KCNQ1: variants seen among roughly 807,000 people sequenced by gnomAD.
KCNQ1 encodes the protein potassium voltage-gated channel subfamily KQT member 1.
A neutral mutation model predicts 72.4 loss-of-function variants in KCNQ1; 49 were observed. That is an observed-to-expected ratio of 0.68 (90% CI 0.54 to 0.86). The LOEUF (loss-of-function observed/expected upper bound fraction) is 0.86. Among genes scored for constraint, KCNQ1 ranks in the 40% least tolerant of loss-of-function variants. The pLI is 0.00. For missense variants in KCNQ1, 790 were observed against 945.1 expected, an observed-to-expected ratio of 0.84 and a Z score of 2.15; for synonymous variants, 450 against 412.6, an observed-to-expected ratio of 1.09 and a Z score of -1.10.
Position 2,507,094 on chromosome 11 carries a change from C to T in KCNQ1, c.387-20834C>T, listed in dbSNP as rs3819506. On this transcript the variant is annotated intron_variant, in intron 1 of 15. Coordinates refer to ENST00000155840, the MANE Select transcript of KCNQ1 (RefSeq NM_000218.3). The surrounding 1 kb of genome is among the most constrained non-coding windows in gnomAD (Gnocchi z 5.4). ...TTATCATGCTTCTTTCTACTGACTC[C>T]GGATTCAGGGCCACAGTTGAGAGCT... is the stretch of plus-strand genomic sequence containing the variant. Among the ~76,000 whole-genome samples, 38,723 of 152,086 alleles carry T rather than the reference C, an allele frequency of 0.25. 5,131 individuals carry two copies. Among genetic ancestry groups the T allele is most frequent in the East Asian group, 0.41 (2,141 of 5,170 alleles).
chr11:2,571,256 G>C (rs563270588), intron 3 of KCNQ1, 69 bp from the exon 4 acceptor site: 2 of 1,272,644 alleles, frequency 1.6e-6, no homozygotes, highest in East Asian at 4.6e-5. Flanking sequence ...CGAGAGCAGG[G>C]TGTATGCTCT....
chr11:2,709,692 C>T (rs34053306), intron 11 of KCNQ1, among the ~76,000 whole-genome samples: 5,056 of 152,206 alleles, frequency 0.033, 113 homozygotes, highest in Middle Eastern at 0.058. Flanking sequence ...TCTATCTCCA[C>T]GGGTTTGCCT....
Position 2,536,820 on chromosome 11 carries a change from G to T in KCNQ1, c.477+8802G>T, listed in dbSNP as rs557722992. ...AGGTCGCCCTCTCACAGCTCTGGAC[G>T]ATGGAGGGCCGAGACCCAGGTGTGG... On this transcript the variant is annotated intron_variant, in intron 2 of 15. Transcript: ENST00000155840. This position sits in a 1 kb window ranked among gnomAD's most constrained non-coding sequence, Gnocchi z 7.4. 6.6e-6 allele frequency among the ~76,000 whole-genome samples: 1 copy of T among 152,204 alleles called. No homozygotes were observed. The highest frequency in any genetic ancestry group is 2.1e-4 in the South Asian group (1 of 4,828).
rs1847923146 is a variant in KCNQ1, at chr11:2,547,954, C to T, written c.477+19936C>T. Among the ~76,000 whole-genome samples, 1 of 152,152 alleles carries T rather than the reference C, an allele frequency of 6.6e-6. No homozygotes were observed. On this transcript the variant is annotated intron_variant, in intron 2 of 15. Coordinates refer to ENST00000155840, the MANE Select transcript of KCNQ1 (RefSeq NM_000218.3). The surrounding 1 kb of genome is among the most constrained non-coding windows in gnomAD (Gnocchi z 4.2). ...GGAGGGAGCTGTGAGGAGCCTGTAG[C>T]ATTCAGAGACAGGGGAGCAGGGAGC...
At position 2,462,342 on chromosome 11, in the gene KCNQ1, C is replaced by T. The variant is rs1036045046; in HGVS notation, c.386+16858C>T. Among the ~76,000 whole-genome samples, 1 of 152,058 alleles carries T rather than the reference C, an allele frequency of 6.6e-6. No individual in the cohort carries two copies. The highest frequency in any genetic ancestry group is 1.5e-5 in the Non-Finnish European group (1 of 67,916). ...TCTAGGGCCACCCCCTCTGACTTGC[C>T]TCCTCCTCCTTCTGACTTGCCTCCT... On this transcript the variant is annotated intron_variant, in intron 1 of 15. Coordinates refer to ENST00000155840, the MANE Select transcript of KCNQ1 (RefSeq NM_000218.3). This position sits in a 1 kb window ranked among gnomAD's most constrained non-coding sequence, Gnocchi z 8.2.
At chr11:2,496,561 T>G (rs1846925034) in intron 1 of KCNQ1, among the ~76,000 whole-genome samples, 2 of 140,016 alleles carry the variant, frequency 1.4e-5, no homozygotes, top group South Asian at 5.0e-4. Flanking sequence ...TCCCTTTATT[T>G]TGAGCATATG....
At chr11:2,763,054 G>T (rs1300038780) in intron 11 of KCNQ1, among the ~76,000 whole-genome samples, 1 of 152,006 alleles carries the variant, frequency 6.6e-6, no homozygotes, top group Non-Finnish European at 1.5e-5. Context: ...TCACCTTGTC[G>T]GTTTCCAATA....
At chr11:2,689,425 G>A (rs1850552188) in intron 11 of KCNQ1, 2 of 398,724 alleles carry the variant, frequency 5.0e-6, no homozygotes, top group South Asian at 2.5e-4. Context: ...CATAGGGGAG[G>A]AGGAAGACAC....
chr11:2,801,797 G>A lies in KCNQ1; in HGVS notation c.1794+23760G>A, dbSNP rs1337768702. Among the ~76,000 whole-genome samples the A allele has an allele frequency of 2.6e-5, 4 of 152,344 alleles. No homozygotes were observed. In the South Asian group the frequency reaches 8.3e-4, roughly 32 times the overall value. ...AGGGAGGGGAGAGCTTGTTGCGGGG[G>A]TGTCCTTGCCTCTCAGGGCCACGCC... On this transcript the variant is annotated intron_variant, in intron 15 of 15. Coordinates refer to ENST00000155840, the MANE Select transcript of KCNQ1 (RefSeq NM_000218.3).
At position 2,446,318 on chromosome 11, in the gene KCNQ1, C is replaced by T. The variant is rs1006454774; in HGVS notation, c.386+834C>T. Among the ~76,000 whole-genome samples, 10 of 152,200 alleles carry T rather than the reference C, an allele frequency of 6.6e-5. No individual in the cohort carries two copies. The highest frequency in any genetic ancestry group is 6.5e-4 in the Admixed American group (10 of 15,290). ...GCCTTCCCCCGCTGCCCCAGTGGCC[C>T]TACTTCCTGGCTGCCCAGCCAGCGG... On this transcript the variant is annotated intron_variant, in intron 1 of 15. Coordinates refer to ENST00000155840, the MANE Select transcript of KCNQ1 (RefSeq NM_000218.3). This position sits in a 1 kb window ranked among gnomAD's most constrained non-coding sequence, Gnocchi z 8.8.
intron 11 of KCNQ1, among the ~76,000 whole-genome samples, chr11:2,758,715 C>T (rs747338444): frequency 6.6e-6 from 1 of 152,216 alleles, no homozygotes; most frequent in Non-Finnish European, 1.5e-5. Context: ...GAAACACTAC[C>T]CAGCAGTAGA....
At position 2,542,003 on chromosome 11, in the gene KCNQ1, C is replaced by T. The variant is rs556686861; in HGVS notation, c.477+13985C>T. 4.6e-5 allele frequency among the ~76,000 whole-genome samples: 7 copies of T among 152,268 alleles called. No homozygotes were observed. The East Asian group carries it at 1.2e-3, about 25-fold the overall frequency. On this transcript the variant is annotated intron_variant, in intron 2 of 15. Coordinates refer to ENST00000155840, the MANE Select transcript of KCNQ1 (RefSeq NM_000218.3). ...GCTTGGGGTGGGCCTCAGAGGCTGT[C>T]GCCGTGCCTGCTGTGGCTCTCCATG...
chr11:2,800,388 C>T (rs559640991), intron 15 of KCNQ1, among the ~76,000 whole-genome samples: 2 of 152,322 alleles, frequency 1.3e-5, no homozygotes, highest in South Asian at 2.1e-4. Flanking sequence ...AGCCCAGACC[C>T]CTGGGCTGTC....
Position 2,671,523 on chromosome 11 carries a change from A to C in KCNQ1, c.1514+9442A>C. On this transcript the variant is annotated intron_variant, in intron 11 of 15. Coordinates refer to ENST00000155840, the MANE Select transcript of KCNQ1 (RefSeq NM_000218.3). This position sits in a 1 kb window ranked among gnomAD's most constrained non-coding sequence, Gnocchi z 4.7. ...TTAGGGCCAATTCAAGGGATTTTTCAAAGGTTAATTTTGACTCTGCCTGAC... is the reference window on the plus strand; with the variant it reads ...TTAGGGCCAATTCAAGGGATTTTTCCAAGGTTAATTTTGACTCTGCCTGAC... The C allele has an allele frequency of 2.5e-6, 1 of 398,644 alleles. No individual in the cohort carries two copies. The highest frequency in any genetic ancestry group is 1.3e-4 in the South Asian group (1 of 7,858). 24.7% of individuals were successfully genotyped at this position (398,644 alleles called of 1,614,324 possible).
In KCNQ1 at chr11:2,476,522, G is replaced by C. The variant is rs576537545; in HGVS notation, c.386+31038G>C. On this transcript the variant is annotated intron_variant, in intron 1 of 15. Transcript: ENST00000155840. ...TGAATGTAAATAAGAGATAAGAATA[G>C]AAAATAATAGGAAACAGGAAAACAG... Among the ~76,000 whole-genome samples, 23 of 152,250 alleles carry C rather than the reference G, an allele frequency of 1.5e-4. No homozygotes were observed. The South Asian group carries it at 3.9e-3, about 26-fold the overall frequency.
chr11:2,778,908 T>TCCTGCC (rs1303081002), intron 15 of KCNQ1, among the ~76,000 whole-genome samples: 1 of 152,014 alleles, frequency 6.6e-6, no homozygotes, highest in African/African-American at 2.4e-5. Flanking sequence ...AGGCTCCTGC[T>TCCTGCC]CCTGCCCCAC....
At chr11:2,474,089 G>T (rs1173167571) in intron 1 of KCNQ1, among the ~76,000 whole-genome samples, 1 of 152,012 alleles carries the variant, frequency 6.6e-6, no homozygotes, top group East Asian at 1.9e-4. Flanking sequence ...ACCCAGTGTG[G>T]AGTGGTTTTT....
At chr11:2,732,513 C>G (rs1845872640) in intron 11 of KCNQ1, among the ~76,000 whole-genome samples, 1 of 152,204 alleles carries the variant, frequency 6.6e-6, no homozygotes, top group African/African-American at 2.4e-5. Context: ...CGTGCCAAGG[C>G]CTGGAGGTGA....
rs911845973 is a variant in KCNQ1, at chr11:2,592,508, G to A, written c.1393+3654G>A. Among the ~76,000 whole-genome samples, 3 of 152,224 alleles carry A rather than the reference G, an allele frequency of 2.0e-5. No individual in the cohort carries two copies. Among genetic ancestry groups the A allele is most frequent in the Admixed American group, 6.5e-5 (1 of 15,280 alleles). On this transcript the variant is annotated intron_variant, in intron 10 of 15. Transcript: ENST00000155840. The surrounding 1 kb of genome is among the most constrained non-coding windows in gnomAD (Gnocchi z 5.2). ...GCTCCCTCAACCTTCTGACCTGGGT[G>A]GGGAGGGAGGGGAATGTCAGCAGCC...
Sources: allele counts gnomAD v4.1 joint callset (sites outside exome capture counted in the v4.1 genomes callset), GRCh38; gene constraint gnomAD v4.1.1; non-coding constraint Gnocchi (gnomAD v3.1); transcripts MANE v1.5; gene names NCBI Gene and HGNC (gene_info 2026-07-23, HGNC 2026-07-21).